Variants in SIL1 observed in about 807,000 individuals in gnomAD.
The protein encoded by SIL1 is nucleotide exchange factor SIL1.
SIL1 carries 40 observed loss-of-function variants against 49.1 expected under a neutral mutation model. The ratio of observed to expected loss-of-function variants is 0.81; its 90% CI spans 0.63 to 1.06. The LOEUF (loss-of-function observed/expected upper bound fraction) is 1.06. SIL1 is among the 50% of genes least tolerant of loss of function. The pLI is 0.00. For synonymous variants in SIL1, 253 were observed against 250.8 expected (o/e 1.01, Z -0.08); for missense variants, 500 against 572.6 (o/e 0.87, Z 1.29).
intron 1 of SIL1, among the ~76,000 whole-genome samples, chr5:139,168,028 T>C (rs945984919): frequency 3.3e-5 from 5 of 152,180 alleles, no homozygotes; most frequent in Admixed American, 2.0e-4. Context: ...ACCTTTTCTA[T>C]GTTTAGAAAT....
At chr5:139,160,088 G>A (rs1314655878) in intron 1 of SIL1, among the ~76,000 whole-genome samples, 1 of 151,734 alleles carries the variant, frequency 6.6e-6, no homozygotes, top group East Asian at 1.9e-4. Context: ...GACAGTCACA[G>A]TGGGGTGGGA....
chr5:139,119,550 C>T (rs1369306981), intron 3 of SIL1, among the ~76,000 whole-genome samples: 1 of 152,136 alleles, frequency 6.6e-6, no homozygotes, highest in Non-Finnish European at 1.5e-5. Context: ...TGCTCGAGCC[C>T]AGGAGTTCGA....
At position 139,194,441 on chromosome 5, in the gene SIL1, GAAGAA is replaced by G. The variant is rs1409559537; in HGVS notation, c.-11+3823_-11+3827del. ...AGTGAAATCCTTGGTGAAAGTAAAG[GAAGAA>G]AAGAAAAGGGCATGCTATTCCGTCT... On this transcript the variant is annotated intron_variant, in intron 1 of 9. Transcript: ENST00000394817. Among the ~76,000 whole-genome samples the G allele has an allele frequency of 4.6e-5, 7 of 152,268 alleles. No homozygotes were observed. The East Asian group carries it at 5.8e-4, about 13-fold the overall frequency.
At chr5:139,013,639 G>A (rs1327844289) in intron 7 of SIL1, 1 of 152,196 alleles carries the variant, frequency 6.6e-6, no homozygotes, top group Non-Finnish European at 1.5e-5. Context: ...CAGAGCAGTG[G>A]CTCTACAGTT....
chr5:139,170,593 G>C (rs1462598844), intron 1 of SIL1, among the ~76,000 whole-genome samples: 1 of 150,572 alleles, frequency 6.6e-6, no homozygotes, highest in Non-Finnish European at 1.5e-5. Context: ...TCTCTGCCCG[G>C]CCGCCCCCAT....
intron 1 of SIL1, among the ~76,000 whole-genome samples, chr5:139,147,402 A>C (rs915358042): frequency 1.3e-5 from 2 of 152,116 alleles, no homozygotes; most frequent in Non-Finnish European, 1.5e-5. Flanking sequence ...ACAGCACACC[A>C]CACAGCTTAG....
At chr5:139,153,723 A>G (rs931842003) in intron 1 of SIL1, among the ~76,000 whole-genome samples, 4 of 152,214 alleles carry the variant, frequency 2.6e-5, no homozygotes, top group Non-Finnish European at 5.9e-5. Flanking sequence ...AAAGGTGACT[A>G]TGCTCCCCCT....
Position 138,989,766 on chromosome 5 carries a change from G to T in SIL1, c.767+31405C>A, listed in dbSNP as rs539453479. Reference sequence around the variant, plus strand: ...ATAGTGAGTTACAGGGGTGGAGAGGGTGGCTTTACATGAACTTTGCAGGAA... The same window carrying T: ...ATAGTGAGTTACAGGGGTGGAGAGGTTGGCTTTACATGAACTTTGCAGGAA... On this transcript the variant is annotated intron_variant, in intron 7 of 9. Transcript: ENST00000394817. Among the ~76,000 whole-genome samples, 6 of 152,270 alleles carry T rather than the reference G, an allele frequency of 3.9e-5. No individual in the cohort carries two copies. In the East Asian group the frequency reaches 9.7e-4, roughly 25 times the overall value.
At chr5:139,112,051 T>A (rs1337266625) in intron 3 of SIL1, among the ~76,000 whole-genome samples, 3 of 152,250 alleles carry the variant, frequency 2.0e-5, no homozygotes, top group Non-Finnish European at 2.9e-5. Flanking sequence ...TTCGCTGTGT[T>A]GGCCGGGCTG....
chr5:139,052,607 C>T (rs986511372), intron 3 of SIL1, among the ~76,000 whole-genome samples: 1 of 152,076 alleles, frequency 6.6e-6, no homozygotes, highest in Non-Finnish European at 1.5e-5. Context: ...CTGCTTGAAC[C>T]TGAATGGTGG....
At chr5:139,197,419 T>A (rs1752298619) in intron 1 of SIL1, among the ~76,000 whole-genome samples, 1 of 152,166 alleles carries the variant, frequency 6.6e-6, no homozygotes, top group African/African-American at 2.4e-5. Context: ...TTAGGTTTAT[T>A]GAGGTGGGAA....
At chr5:139,153,237 C>A (rs1751342502) in intron 1 of SIL1, among the ~76,000 whole-genome samples, 1 of 152,182 alleles carries the variant, frequency 6.6e-6, no homozygotes, top group African/African-American at 2.4e-5. Flanking sequence ...CTTTATCTGA[C>A]AAATTCCTAC....
At chr5:139,088,217 T>C (rs112464529) in intron 3 of SIL1, among the ~76,000 whole-genome samples, 112 of 152,384 alleles carry the variant, frequency 7.3e-4, no homozygotes, top group African/African-American at 2.5e-3. Flanking sequence ...AAACAGTTGC[T>C]GACTGCTGAC....
At chr5:139,152,935 C>T (rs891697575) in intron 1 of SIL1, among the ~76,000 whole-genome samples, 2 of 152,180 alleles carry the variant, frequency 1.3e-5, no homozygotes, top group African/African-American at 2.4e-5. Flanking sequence ...TCTCCTGCCT[C>T]GGCTTCCCAA....
At chr5:139,081,813 A>T (rs1770086738) in intron 3 of SIL1, among the ~76,000 whole-genome samples, 1 of 151,944 alleles carries the variant, frequency 6.6e-6, no homozygotes, top group Admixed American at 6.6e-5. Flanking sequence ...CAGGAGGCAG[A>T]GGTTGCAGTG....
intron 1 of SIL1, among the ~76,000 whole-genome samples, chr5:139,156,357 G>A (rs549618873): frequency 2.4e-4 from 37 of 151,708 alleles, no homozygotes; most frequent in South Asian, 2.3e-3. Flanking sequence ...ACATCCCAAA[G>A]ATATCAGGTC....
intron 1 of SIL1, among the ~76,000 whole-genome samples, chr5:139,173,554 A>C (rs1751817265): frequency 6.6e-6 from 1 of 152,028 alleles, no homozygotes; most frequent in Non-Finnish European, 1.5e-5. Flanking sequence ...TGTCTTAAAA[A>C]TAAACAAAAA....
chr5:139,054,692 T>C (rs1561844359), intron 3 of SIL1, among the ~76,000 whole-genome samples: 1 of 152,212 alleles, frequency 6.6e-6, no homozygotes, highest in African/African-American at 2.4e-5. Context: ...TAATAGGTTA[T>C]AGTGTGCTAA....
intron 3 of SIL1, among the ~76,000 whole-genome samples, chr5:139,114,118 G>A (rs578073285): frequency 2.6e-5 from 4 of 152,350 alleles, no homozygotes; most frequent in Admixed American, 1.3e-4. Flanking sequence ...TGTCCCATCC[G>A]GGTAATGAAG....
Sources: gnomAD v4.1 joint callset for allele counts (sites outside exome capture counted in the v4.1 genomes callset) on GRCh38, gnomAD v4.1.1 for gene constraint, MANE v1.5 for transcripts, NCBI Gene and HGNC (gene_info 2026-07-23, HGNC 2026-07-21) for gene names.